ME1: variants seen among roughly 807,000 people sequenced by gnomAD.
ME1 encodes the protein malic enzyme 1, also known as NADP-dependent malic enzyme.
Under a neutral mutation model 66.4 loss-of-function variants are expected in ME1, and 74 were observed. The ratio of observed to expected loss-of-function variants is 1.11; its 90% CI spans 0.92 to 1.35. The LOEUF (loss-of-function observed/expected upper bound fraction) is 1.35. ME1 is among the 40% of genes most tolerant of loss of function. ME1 has a pLI of 0.00. For synonymous variants in ME1, 251 were observed against 235.6 expected, an observed-to-expected ratio of 1.07 and a Z score of -0.60; for missense variants, 750 against 694.1, an observed-to-expected ratio of 1.08 and a Z score of -0.90.
At chr6:83,213,704 T>A (rs972312785) in intron 13 of ME1, among the ~76,000 whole-genome samples, 1 of 151,902 alleles carries the variant, frequency 6.6e-6, no homozygotes, top group Non-Finnish European at 1.5e-5. Flanking sequence ...TTTATATGAC[T>A]GACTTATTTT....
intron 3 of ME1, among the ~76,000 whole-genome samples, chr6:83,368,708 T>C (rs1393447642): frequency 6.6e-6 from 1 of 151,988 alleles, no homozygotes; most frequent in Non-Finnish European, 1.5e-5. Context: ...CCCTATCATA[T>C]TTTTTGGCTT....
intron 6 of ME1, among the ~76,000 whole-genome samples, chr6:83,299,508 C>T (rs541935028): frequency 6.6e-6 from 1 of 152,154 alleles, no homozygotes; most frequent in South Asian, 2.1e-4. Context: ...GGGCTGAGAC[C>T]ATGGGGTTTT....
chr6:83,242,542 A>C (rs1790529465), intron 7 of ME1, among the ~76,000 whole-genome samples: 1 of 152,116 alleles, frequency 6.6e-6, no homozygotes, highest in African/African-American at 2.4e-5. Context: ...TGATTAATGT[A>C]AGAGTTTCAG....
chr6:83,312,004 G>T (rs943816238), intron 6 of ME1, among the ~76,000 whole-genome samples: 19 of 152,170 alleles, frequency 1.2e-4, no homozygotes, highest in Non-Finnish European at 1.5e-5. Flanking sequence ...CTCTTGCTCA[G>T]CTTCCGAACC....
At chr6:83,262,069 G>T (rs1278525763) in intron 6 of ME1, among the ~76,000 whole-genome samples, 1 of 150,716 alleles carries the variant, frequency 6.6e-6, no homozygotes, top group African/African-American at 2.4e-5. Flanking sequence ...AGGCATACAT[G>T]AAAAGAGACA....
intron 9 of ME1, 78 bp downstream of exon 9, chr6:83,237,639 G>T: frequency 1.4e-6 from 1 of 689,714 alleles, no homozygotes; most frequent in Non-Finnish European, 2.4e-6. Context: ...GGAGGTGGTA[G>T]AAACAGAGTT....
intron 3 of ME1, among the ~76,000 whole-genome samples, chr6:83,365,697 A>G (rs1356379402): frequency 6.6e-6 from 1 of 152,118 alleles, no homozygotes; most frequent in African/African-American, 2.4e-5. Flanking sequence ...GAGCTACTTC[A>G]TATTTCCCCT....
intron 9 of ME1, among the ~76,000 whole-genome samples, chr6:83,230,654 A>G (rs1460323889): frequency 1.3e-5 from 2 of 152,190 alleles, no homozygotes; most frequent in South Asian, 4.1e-4. Context: ...GCTGTAGGCC[A>G]GGCGCAGTGG....
chr6:83,285,747 T>C (rs758194130), intron 6 of ME1, among the ~76,000 whole-genome samples: 2 of 152,172 alleles, frequency 1.3e-5, no homozygotes, highest in East Asian at 3.8e-4. Context: ...GGAATGCCAT[T>C]GAATGAAACT....
rs79639496 is a variant in ME1, at chr6:83,297,263, G to C, written c.704+18047C>G. On this transcript the variant is annotated intron_variant, in intron 6 of 13. Coordinates refer to ENST00000369705, the MANE Select transcript of ME1 (RefSeq NM_002395.6). Reference sequence around the variant, plus strand: ...AATACAGCTAACCAGAGAGTTGAAAGACCTCTATACTGACAACTACAAAAC... The same window carrying C: ...AATACAGCTAACCAGAGAGTTGAAACACCTCTATACTGACAACTACAAAAC... Among the ~76,000 whole-genome samples, 880 of 152,146 alleles carry C rather than the reference G, an allele frequency of 5.8e-3. 24 individuals carry two copies. In the East Asian group the frequency reaches 0.06, roughly 10 times the overall value.
At chr6:83,358,900 A>T (rs1024155500) in intron 3 of ME1, among the ~76,000 whole-genome samples, 5 of 151,882 alleles carry the variant, frequency 3.3e-5, no homozygotes, top group Non-Finnish European at 7.4e-5. Context: ...TATATTCTCC[A>T]ATTTAAACTT....
At chr6:83,230,195 G>C (rs977581778) in intron 9 of ME1, among the ~76,000 whole-genome samples, 5 of 150,276 alleles carry the variant, frequency 3.3e-5, no homozygotes, top group African/African-American at 1.2e-4. Flanking sequence ...TTTTTTTTGA[G>C]ACAGAGTTTT....
intron 6 of ME1, among the ~76,000 whole-genome samples, chr6:83,268,721 A>G (rs560460876): frequency 1.6e-4 from 21 of 133,820 alleles, no homozygotes; most frequent in African/African-American, 7.4e-4. Flanking sequence ...GCGCATCACC[A>G]TGCCCCGTTA....
At chr6:83,311,868 C>T (rs766546988) in intron 6 of ME1, among the ~76,000 whole-genome samples, 6 of 152,064 alleles carry the variant, frequency 3.9e-5, no homozygotes, top group Non-Finnish European at 5.9e-5. Context: ...AGATAATTAA[C>T]GGAATCTTGC....
rs1790441898 is a variant in ME1 at position 83,237,710 on chromosome 6, T to C, written c.1026+7A>G. 3 of 1,529,668 alleles carry C rather than the reference T, an allele frequency of 2.0e-6. No individual in the cohort carries two copies. The highest frequency in any genetic ancestry group is 2.7e-6 in the Non-Finnish European group (3 of 1,115,082). 94.8% of individuals were successfully genotyped at this position (1,529,668 alleles called of 1,614,324 possible). A position where few individuals can be genotyped will look rare whatever the true frequency, so the allele number is the denominator to read the frequency against. On this transcript the variant is annotated splice_region_variant and intron_variant, in intron 9 of 13. Transcript: ENST00000369705. ...CTTTATTCTGGTTAAAAATGACAAA[T>C]TCTTACCTTAACTATTAATCCTTTT...
At position 83,333,761 on chromosome 6, in the gene ME1, G is replaced by A. The variant is rs942553203; in HGVS notation, c.600+12412C>T. Among the ~76,000 whole-genome samples, 6 of 152,006 alleles carry A rather than the reference G, an allele frequency of 3.9e-5. No individual in the cohort carries two copies. The East Asian group carries it at 9.6e-4, about 24-fold the overall frequency. ...GGAATACAGTTGATATGTGTAGCCC[G>A]AAAGTCAATAAAATTAAGGGCAAAT... On this transcript the variant is annotated intron_variant, in intron 5 of 13. Coordinates refer to ENST00000369705, the MANE Select transcript of ME1 (RefSeq NM_002395.6).
chr6:83,365,086 AC>A (rs1341819410), intron 3 of ME1, among the ~76,000 whole-genome samples: 1 of 151,918 alleles, frequency 6.6e-6, no homozygotes, highest in Admixed American at 6.6e-5. Flanking sequence ...CAGGCCACCA[AC>A]CTATGTGGGT....
intron 6 of ME1, among the ~76,000 whole-genome samples, chr6:83,309,553 T>C (rs1311269833): frequency 1.3e-5 from 2 of 151,760 alleles, no homozygotes; most frequent in African/African-American, 4.8e-5. Flanking sequence ...AGATTGGGAG[T>C]CCAAGTCTGG....
intron 1 of ME1, among the ~76,000 whole-genome samples, chr6:83,425,914 T>TA (rs1194663074): frequency 1.8e-5 from 2 of 113,276 alleles, no homozygotes; most frequent in Non-Finnish European, 3.4e-5. Flanking sequence ...GTCCATGTGT[T>TA]GTTAATCCCC....
Sources: allele counts gnomAD v4.1 joint callset (sites outside exome capture counted in the v4.1 genomes callset), GRCh38; gene constraint gnomAD v4.1.1; transcripts MANE v1.5; gene names NCBI Gene and HGNC (gene_info 2026-07-23, HGNC 2026-07-21).